PRKAG2: variants seen among roughly 807,000 people sequenced by gnomAD.
The protein encoded by PRKAG2 is 5'-AMP-activated protein kinase subunit gamma-2.
A neutral mutation model predicts 69.6 loss-of-function variants in PRKAG2; 26 were observed. That is an observed-to-expected ratio of 0.37 (90% CI 0.27 to 0.52). The LOEUF is 0.52. PRKAG2 is among the 20% of genes least tolerant of loss of function. The probability of loss-of-function intolerance (pLI) is 0.90; values close to 1 mark genes in which losing one functional copy is unlikely to be tolerated. For missense variants in PRKAG2, 557 were observed against 740.0 expected, an observed-to-expected ratio of 0.75 and a Z score of 2.87; for synonymous variants, 293 against 285.0, an observed-to-expected ratio of 1.03 and a Z score of -0.28.
intron 3 of PRKAG2, among the ~76,000 whole-genome samples, chr7:151,741,141 AG>A (rs1020872923): frequency 2.0e-5 from 3 of 151,704 alleles, no homozygotes; most frequent in African/African-American, 7.3e-5. Flanking sequence ...TGAGCCCGGG[AG>A]GTCCAGGCTC....
intron 6 of PRKAG2, among the ~76,000 whole-genome samples, chr7:151,578,909 TG>T (rs1399376375): frequency 3.3e-5 from 5 of 152,240 alleles, no homozygotes; most frequent in African/African-American, 1.2e-4. Context: ...AAAAGTCGCA[TG>T]TAAATAGATT....
intron 4 of PRKAG2, among the ~76,000 whole-genome samples, chr7:151,658,482 C>CAA (rs11286706): frequency 0.053 from 5,539 of 105,334 alleles, 439 homozygotes; most frequent in African/African-American, 0.17. Flanking sequence ...AAGATTGTCG[C>CAA]AAAAAAAAAA....
intron 1 of PRKAG2, among the ~76,000 whole-genome samples, chr7:151,812,632 A>G (rs1227588374): frequency 6.6e-6 from 1 of 152,174 alleles, no homozygotes; most frequent in Non-Finnish European, 1.5e-5. Context: ...TCACCCTGGG[A>G]CAGGACCTGA....
In PRKAG2 at chr7:151,781,394, C is replaced by G. The variant is rs199963585; in HGVS notation, c.224G>C (p.Gly75Ala). The G allele has an allele frequency of 4.5e-5, 72 of 1,612,008 alleles. No homozygotes were observed. The East Asian group carries it at 1.6e-3, about 35-fold the overall frequency. Residue 75 changes from glycine (G) to alanine (A), a missense_variant, in exon 3 of 16, where the codon GGG (glycine) becomes GCG (alanine). Gly to Ala is a moderately conservative substitution (Grantham distance 60, BLOSUM62 0). This residue lies in a region of PRKAG2 where 352 missense variants were observed against 356.7 expected (regional missense o/e 0.99). Transcript: ENST00000287878. This position sits in a 1 kb window ranked among gnomAD's most constrained non-coding sequence, Gnocchi z 6.1. ...SPFGPGSPSK[G>A]FFSRGPQPRP... The stretch of plus-strand genomic sequence containing the variant: ...GGGCTGGGGGCCTCTGGAGAAGAAC[C>G]CTTTGGAGGGGCTGCCCGGGCCGAA...
At chr7:151,637,707 G>GTTT (rs78930256) in intron 4 of PRKAG2, among the ~76,000 whole-genome samples, 18,928 of 141,634 alleles carry the variant, frequency 0.13, 1,404 homozygotes, top group African/African-American at 0.18. Flanking sequence ...AAGTCATGAG[G>GTTT]TTTTTTTTTT....
At chr7:151,628,695 C>T (rs931633915) in intron 5 of PRKAG2, among the ~76,000 whole-genome samples, 39 of 144,338 alleles carry the variant, frequency 2.7e-4, no homozygotes, top group African/African-American at 9.2e-4. Flanking sequence ...AAGAGTGAGA[C>T]CCTGAGGGAG....
intron 3 of PRKAG2, among the ~76,000 whole-genome samples, chr7:151,715,918 G>C (rs986479743): frequency 2.0e-5 from 3 of 152,288 alleles, no homozygotes; most frequent in African/African-American, 2.4e-5. Context: ...CGGCATCTTA[G>C]GCTTCCAGGA....
chr7:151,627,301 C>T (rs1396088060), intron 5 of PRKAG2, among the ~76,000 whole-genome samples: 2 of 152,134 alleles, frequency 1.3e-5, no homozygotes, highest in African/African-American at 4.8e-5. Flanking sequence ...ATTTTGATCA[C>T]TGTAGGTGAG....
intron 3 of PRKAG2, among the ~76,000 whole-genome samples, chr7:151,747,204 A>G (rs544919423): frequency 6.6e-6 from 1 of 152,186 alleles, no homozygotes; most frequent in African/African-American, 2.4e-5. Context: ...GTGTTGACGC[A>G]TATAGGGTGA....
intron 5 of PRKAG2, among the ~76,000 whole-genome samples, chr7:151,610,514 T>C (rs1210917836): frequency 5.9e-5 from 9 of 151,690 alleles, no homozygotes; most frequent in Non-Finnish European, 1.5e-5. Flanking sequence ...CTGTGTCAAC[T>C]GAAAATACAA....
At position 151,757,792 on chromosome 7, in the gene PRKAG2, C is replaced by T. The variant is rs1489946274; in HGVS notation, c.466+23360G>A. On this transcript the variant is annotated intron_variant, in intron 3 of 15. Coordinates refer to ENST00000287878, the MANE Select transcript of PRKAG2 (RefSeq NM_016203.4). ...CCCGCCACCCCATCATGAAATCAAC[C>T]GTGTGGGTCAGATAAAGCAGCTGAA... 6.6e-5 allele frequency among the ~76,000 whole-genome samples: 10 copies of T among 152,290 alleles called. No individual in the cohort carries two copies. The South Asian group carries it at 1.7e-3, about 25-fold the overall frequency.
At chr7:151,586,696 T>G (rs1811761698) in intron 6 of PRKAG2, among the ~76,000 whole-genome samples, 1 of 152,226 alleles carries the variant, frequency 6.6e-6, no homozygotes, top group Non-Finnish European at 1.5e-5. Context: ...CAGTTTGAGC[T>G]GAGCAGTTCT....
At chr7:151,855,760 C>T (rs1038204391) in intron 1 of PRKAG2, among the ~76,000 whole-genome samples, 9 of 152,018 alleles carry the variant, frequency 5.9e-5, no homozygotes, top group African/African-American at 9.7e-5. Context: ...GGGGTGGGGG[C>T]GGCAGGAACC....
At chr7:151,848,809 G>A (rs2079500959) in intron 1 of PRKAG2, among the ~76,000 whole-genome samples, 1 of 152,126 alleles carries the variant, frequency 6.6e-6, no homozygotes, top group Non-Finnish European at 1.5e-5. Context: ...ACAGGCGTGA[G>A]CCACCGCACC....
intron 10 of PRKAG2, among the ~76,000 whole-genome samples, 158 bp from the exon 11 acceptor site, chr7:151,569,000 T>C (rs949512599): frequency 5.3e-5 from 8 of 152,192 alleles, no homozygotes; most frequent in Non-Finnish European, 1.5e-5. Flanking sequence ...AATTTTTCAT[T>C]TTTCACAATC....
chr7:151,574,515 A>G (rs1584991398), intron 8 of PRKAG2, among the ~76,000 whole-genome samples: 1 of 152,186 alleles, frequency 6.6e-6, no homozygotes, highest in South Asian at 2.1e-4. Context: ...TTGTTCTGCA[A>G]TTGCTGGGGT....
rs55660204 is a variant in PRKAG2 at position 151,875,562 on chromosome 7, G to GGTGTGTGTGTGTGT, written c.114+931_114+944dup. ...AATAACTTTCTCTACGGAGCACTCT[G>GGTGTGTGTGTGTGT]GTGTGTGTGTGTGTGTGTGTGTGTG... On this transcript the variant is annotated intron_variant, in intron 1 of 15. Transcript: ENST00000287878. 6.5e-3 allele frequency among the ~76,000 whole-genome samples: 847 copies of GGTGTGTGTGTGTGT among 131,310 alleles called. 6 individuals are homozygous for GGTGTGTGTGTGTGT. The highest frequency in any genetic ancestry group is 0.02 in the East Asian group (76 of 3,792). The allele number at this position is 131,310 out of a possible 152,430, so 86.1% of individuals were successfully genotyped here.
chr7:151,561,263 C>T (rs77954112), intron 14 of PRKAG2, among the ~76,000 whole-genome samples: 3,439 of 152,270 alleles, frequency 0.023, 124 homozygotes, highest in East Asian at 0.16. Flanking sequence ...AACTCAAACA[C>T]GAAACACAAC....
At chr7:151,668,118 C>A (rs966444827) in intron 4 of PRKAG2, among the ~76,000 whole-genome samples, 1 of 152,192 alleles carries the variant, frequency 6.6e-6, no homozygotes, top group Non-Finnish European at 1.5e-5. Context: ...TAGATTAATA[C>A]CCTACTGCAG....
Sources: gnomAD v4.1 joint callset for allele counts (sites outside exome capture counted in the v4.1 genomes callset) on GRCh38, gnomAD v4.1.1 for gene constraint, gnomAD v4.1.1 regional missense constraint, Gnocchi (gnomAD v3.1) non-coding constraint, MANE v1.5 for transcripts, NCBI Gene and HGNC (gene_info 2026-07-23, HGNC 2026-07-21) for gene names.